Variants in SSBP3 observed in about 807,000 individuals in gnomAD.
SSBP3 encodes single-stranded DNA-binding protein 3.
SSBP3 carries 5 observed loss-of-function variants against 69.6 expected under a neutral mutation model. The observed-to-expected ratio is 0.07, with a 90% confidence interval of 0.04 to 0.15. The LOEUF (loss-of-function observed/expected upper bound fraction) is 0.15, where lower values mean the gene tolerates loss of function less well. Ranked by LOEUF, SSBP3 falls within the 10% of genes least tolerant of loss-of-function variation. SSBP3 has a pLI of 1.00. For synonymous variants in SSBP3, 196 were observed against 193.4 expected (o/e 1.01, Z -0.11); for missense variants, 312 against 534.0 (o/e 0.58, Z 4.10).
chr1:54,379,626 T>C (rs1647459507), intron 4 of SSBP3, among the ~76,000 whole-genome samples: 1 of 152,136 alleles, frequency 6.6e-6, no homozygotes, highest in African/African-American at 2.4e-5. Context: ...AAAGAGGCGG[T>C]ACAATGGTGC....
At chr1:54,228,623 G>C in intron 15 of SSBP3, 125 bp downstream of exon 15, 1 of 1,473,798 alleles carries the variant, frequency 6.8e-7, no homozygotes, top group Non-Finnish European at 9.2e-7. Context: ...TCCCTCTCAG[G>C]ATCGTCCTGT....
At chr1:54,251,818 A>T (rs933936819) in exon 8 of SSBP3, 8 of 1,611,772 alleles carry the variant, frequency 5.0e-6, no homozygotes, top group Non-Finnish European at 6.8e-6. Context: ...GGATCCATAG[A>T]ATTGGGCAGC....
intron 5 of SSBP3, among the ~76,000 whole-genome samples, chr1:54,280,171 CT>C (rs1409878865): frequency 6.6e-6 from 1 of 152,260 alleles, no homozygotes; most frequent in Non-Finnish European, 1.5e-5. Context: ...TCCTTCTTAG[CT>C]GGTGAGCAGC....
intron 4 of SSBP3, among the ~76,000 whole-genome samples, chr1:54,308,473 T>C (rs1236574673): frequency 1.3e-5 from 2 of 151,782 alleles, no homozygotes; most frequent in East Asian, 1.9e-4. Flanking sequence ...CGGTGGCGGG[T>C]ACCTGTAATC....
Position 54,360,645 on chromosome 1 carries a change from C to A in SSBP3, c.276+41216G>T, listed in dbSNP as rs115530269. ...AGTGTGGTGCCATAAAAAAAAGAAC[C>A]CAAATTTAAAGCCCAAAATGTTTAG... is the stretch of plus-strand genomic sequence containing the variant. On this transcript the variant is annotated intron_variant, in intron 4 of 17. Transcript: ENST00000610401. Among the ~76,000 whole-genome samples, 214 of 152,166 alleles carry A rather than the reference C, an allele frequency of 1.4e-3. 3 individuals carry two copies. The highest frequency in any genetic ancestry group is 4.9e-3 in the African/African-American group (205 of 41,504).
intron 3 of SSBP3, among the ~76,000 whole-genome samples, chr1:54,402,997 T>A (rs374248452): frequency 9.8e-5 from 15 of 152,306 alleles, no homozygotes; most frequent in African/African-American, 3.6e-4. Context: ...CTGCAAGTCA[T>A]CAGACAAGCA....
chr1:54,309,681 C>T (rs1341305519), intron 4 of SSBP3, among the ~76,000 whole-genome samples: 1 of 152,178 alleles, frequency 6.6e-6, no homozygotes, highest in Non-Finnish European at 1.5e-5. Flanking sequence ...CCTAACTCCC[C>T]GGTTGCCCTG....
chr1:54,328,139 T>C (rs1256972706), intron 4 of SSBP3, among the ~76,000 whole-genome samples: 2 of 152,034 alleles, frequency 1.3e-5, no homozygotes, highest in Non-Finnish European at 2.9e-5. Flanking sequence ...CCCAGGCAGA[T>C]CACATGCAGG....
At chr1:54,331,150 T>G (rs1342971656) in intron 4 of SSBP3, among the ~76,000 whole-genome samples, 1 of 152,206 alleles carries the variant, frequency 6.6e-6, no homozygotes, top group Non-Finnish European at 1.5e-5. Flanking sequence ...CCTCCGCATG[T>G]AACGTCCTCT....
At chr1:54,402,097 A>T (rs570273824) in intron 3 of SSBP3, 152 bp from the exon 4 acceptor site, 17 of 619,498 alleles carry the variant, frequency 2.7e-5, no homozygotes, top group Admixed American at 2.4e-4. Context: ...CCTAGAAAAC[A>T]AAACACGTCC....
chr1:54,392,748 C>A (rs1180343584), intron 4 of SSBP3, among the ~76,000 whole-genome samples: 1 of 152,166 alleles, frequency 6.6e-6, no homozygotes, highest in African/African-American at 2.4e-5. Context: ...CTGCAATAGG[C>A]CCCAGGAATG....
intron 4 of SSBP3, among the ~76,000 whole-genome samples, chr1:54,318,830 C>A (rs1450883381): frequency 6.6e-6 from 1 of 152,188 alleles, no homozygotes; most frequent in African/African-American, 2.4e-5. Flanking sequence ...CTTACCTATG[C>A]CAGTTACAAT....
At chr1:54,254,589 C>T (rs898711308) in intron 7 of SSBP3, among the ~76,000 whole-genome samples, 1 of 152,210 alleles carries the variant, frequency 6.6e-6, no homozygotes, top group African/African-American at 2.4e-5. Context: ...CCAAAAGGCA[C>T]ATTCATAATG....
At chr1:54,331,487 A>G (rs1361342189) in intron 4 of SSBP3, among the ~76,000 whole-genome samples, 1 of 152,250 alleles carries the variant, frequency 6.6e-6, no homozygotes, top group Non-Finnish European at 1.5e-5. Flanking sequence ...AGACAGTGAC[A>G]AAGAGAGTTT....
At chr1:54,361,335 A>G (rs1170817579) in intron 4 of SSBP3, among the ~76,000 whole-genome samples, 2 of 152,244 alleles carry the variant, frequency 1.3e-5, no homozygotes, top group African/African-American at 4.8e-5. Flanking sequence ...GTAAATTTTC[A>G]TAAAACCTAA....
chr1:54,374,529 A>C (rs1420800419), intron 4 of SSBP3, among the ~76,000 whole-genome samples: 6 of 152,156 alleles, frequency 3.9e-5, no homozygotes, highest in African/African-American at 1.4e-4. Flanking sequence ...CCAGGATGAA[A>C]TTTGTTCACA....
At chr1:54,332,320 CAGTA>C (rs1458570375) in intron 4 of SSBP3, among the ~76,000 whole-genome samples, 2 of 152,112 alleles carry the variant, frequency 1.3e-5, no homozygotes, top group African/African-American at 2.4e-5. Flanking sequence ...GAGGCAGCAA[CAGTA>C]AGTGAGATGC....
At chr1:54,369,475 C>T (rs745574059) in intron 4 of SSBP3, among the ~76,000 whole-genome samples, 5 of 152,056 alleles carry the variant, frequency 3.3e-5, no homozygotes, top group African/African-American at 4.8e-5. Context: ...AGCAAGAAAT[C>T]GGCTAATGTT....
At chr1:54,240,045 GGGGTGTGTGTGT>G (rs1275478108) in intron 13 of SSBP3, among the ~76,000 whole-genome samples, 1,629 of 65,444 alleles carry the variant, frequency 0.025, 29 homozygotes, top group African/African-American at 0.064. Context: ...TAATTGTGAT[GGGGTGTGTGTGT>G]GTGTGTGTGT....
Sources: allele counts gnomAD v4.1 joint callset (sites outside exome capture counted in the v4.1 genomes callset), GRCh38; gene constraint gnomAD v4.1.1; transcripts MANE v1.5; gene names NCBI Gene and HGNC (gene_info 2026-07-23, HGNC 2026-07-21).